COL6A5: variants seen among roughly 807,000 people sequenced by gnomAD.
The protein encoded by COL6A5 is collagen alpha-5(VI) chain.
COL6A5 carries 48 observed loss-of-function variants against 65.6 expected under a neutral mutation model. That is an observed-to-expected ratio of 0.73 (90% CI 0.58 to 0.93). The LOEUF (loss-of-function observed/expected upper bound fraction) is 0.93. Among genes scored for constraint, COL6A5 ranks in the 40% least tolerant of loss-of-function variants. The pLI is 0.00. For missense variants in COL6A5, 914 were observed against 928.3 expected, an observed-to-expected ratio of 0.98 and a Z score of 0.20; for synonymous variants, 291 against 322.8, an observed-to-expected ratio of 0.90 and a Z score of 1.05.
At position 130,385,106 on chromosome 3, in the gene COL6A5, G is replaced by A. The variant is rs1187130453; in HGVS notation, c.1603G>A (p.Gly535Arg). 6 of 1,550,874 alleles carry A rather than the reference G, an allele frequency of 3.9e-6. No individual in the cohort carries two copies. The Admixed American group carries it at 5.9e-5, about 15-fold the overall frequency. ...TTACATACTGCAAATAATAAAAAAT[G>A]GAATGAAGGATAGAATGAGCAAGGT... Residue 535 changes from glycine to arginine, a missense_variant and NMD_transcript_variant, in exon 5 of 42, where the codon GGA becomes AGA. By Grantham distance (125) the Gly-to-Arg change is moderately radical. Transcript: ENST00000312481.
In COL6A5 at chr3:130,382,314, G is replaced by T. The variant is rs73000339; in HGVS notation, c.1300+2264G>T. ...GAATGTAAATTTCTGGACACTCCTG[G>T]TTCAAGTGCCAGGCAAAGGAGTTGC... On this transcript the variant is annotated intron_variant and NMD_transcript_variant, in intron 4 of 41. Coordinates refer to the COL6A5 transcript ENST00000312481. Among the ~76,000 whole-genome samples, 646 of 152,158 alleles carry T rather than the reference G, an allele frequency of 4.2e-3. 7 individuals are homozygous for T. The highest frequency in any genetic ancestry group is 0.015 in the African/African-American group (609 of 41,550).
chr3:130,408,260 T>C (rs1436345325), intron 17 of COL6A5, among the ~76,000 whole-genome samples: 1 of 137,812 alleles, frequency 7.3e-6, no homozygotes, highest in African/African-American at 2.6e-5. Flanking sequence ...AACGAATGCA[T>C]TCCCGGTGTG....
Position 130,391,834 on chromosome 3 carries a change from C to T in COL6A5, c.2992+80C>T, listed in dbSNP as rs946523723. On this transcript the variant is annotated intron_variant and NMD_transcript_variant, in intron 7 of 41. Coordinates refer to the COL6A5 transcript ENST00000312481. ...AAGTAAATCATAAGTCTCAGGTCTC[C>T]GATTACCTGGATGTTATGGACTGAA... 34 of 1,046,986 alleles carry T rather than the reference C, an allele frequency of 3.2e-5. No individual in the cohort carries two copies. In the South Asian group the frequency reaches 4.4e-4, roughly 13 times the overall value. 64.9% of individuals were successfully genotyped at this position (1,046,986 alleles called of 1,614,324 possible).
rs146067014 is a variant in COL6A5, at chr3:130,411,296, C to A, written c.4662+772C>A. Among the ~76,000 whole-genome samples the A allele has an allele frequency of 5.2e-4, 79 of 152,294 alleles. No individual in the cohort carries two copies. In the East Asian group the frequency reaches 0.014, roughly 26 times the overall value. On this transcript the variant is annotated intron_variant and NMD_transcript_variant, in intron 20 of 41. Transcript: ENST00000312481. ...TCCTCTCTCATGCGCTCAGCATGGACATCATTAGAAGAGAATAATGGACAA... is the reference window on the plus strand; with the variant it reads ...TCCTCTCTCATGCGCTCAGCATGGAAATCATTAGAAGAGAATAATGGACAA...
chr3:130,465,051 C>T (rs978703772), intron 5 of COL6A5, among the ~76,000 whole-genome samples: 1 of 152,060 alleles, frequency 6.6e-6, no homozygotes, highest in African/African-American at 2.4e-5. Context: ...TTTTAAGACA[C>T]TGGACATTAG....
rs562587281 is a variant in COL6A5 at position 130,431,909 on chromosome 3, T to C, written c.449T>C (p.Val150Ala). 20 of 1,550,984 alleles carry C rather than the reference T, an allele frequency of 1.3e-5. No individual in the cohort carries two copies. The South Asian group carries it at 2.3e-4, about 18-fold the overall frequency. Residue 150 changes from valine (V) to alanine (A), a missense_variant, in exon 1 of 8, where the codon GTC becomes GCC. Coordinates refer to ENST00000512836, the Ensembl canonical transcript of COL6A5. ...AGTGCCCTGGATATCAGTCCAACAG[T>C]CTTTGCTTTTGATGAGAGAGTTTTC...
chr3:130,410,438 C>T lies in COL6A5; in HGVS notation c.4609-33C>T, dbSNP rs1260638944. 2.6e-6 allele frequency: 4 copies of T among 1,516,180 alleles called. No individual in the cohort carries two copies. In the Admixed American group the frequency reaches 6.0e-5, roughly 23 times the overall value. The allele number at this position is 1,516,180 out of a possible 1,614,324, so 93.9% of individuals were successfully genotyped here. A position where few individuals can be genotyped will look rare whatever the true frequency, so the allele number is the denominator to read the frequency against. ...TTTGTGATTTATTCAGAATTTTTTC[C>T]TTTTGATCTTGAGGAAATTATTATA... On this transcript the variant is annotated intron_variant and NMD_transcript_variant, in intron 19 of 41. Transcript: ENST00000312481.
At chr3:130,428,680 C>T (rs181796316), upstream of COL6A5, among the ~76,000 whole-genome samples, 9 of 152,126 alleles carry the variant, frequency 5.9e-5, no homozygotes, top group East Asian at 9.7e-4. Context: ...AGTACTCAGT[C>T]AGGAAAAAGG....
intron 15 of COL6A5, 40 bp downstream of exon 15, chr3:130,406,059 G>A (rs1265412010): frequency 1.3e-6 from 2 of 1,549,546 alleles, no homozygotes; most frequent in African/African-American, 2.7e-5. Flanking sequence ...ATTTCCAAAT[G>A]GGATTAGTTT....
chr3:130,383,332 G>T (rs1253603868), intron 4 of COL6A5, among the ~76,000 whole-genome samples: 1 of 152,050 alleles, frequency 6.6e-6, no homozygotes, highest in African/African-American at 2.4e-5. Flanking sequence ...CATGTGACTA[G>T]TGGCTCGTGT....
intron 3 of COL6A5, among the ~76,000 whole-genome samples, chr3:130,378,263 C>T (rs1485502457): frequency 6.6e-6 from 1 of 152,062 alleles, no homozygotes; most frequent in East Asian, 1.9e-4. Flanking sequence ...TTGTTTTTCC[C>T]ACTATCTTCC....
chr3:130,471,927 G>A lies in COL6A5; in HGVS notation c.2328+960G>A, dbSNP rs540921551. 156 of 1,534,246 alleles carry A rather than the reference G, an allele frequency of 1.0e-4. No homozygotes were observed. In the African/African-American group the frequency reaches 1.5e-3, roughly 15 times the overall value. On this transcript the variant is annotated intron_variant, in intron 7 of 7. Coordinates refer to ENST00000512836, the Ensembl canonical transcript of COL6A5. ...GTTGATAAACAGCAAGAAAAAGAAG[G>A]TAATCGTGAGTACCATAGAGCTGAA...
intron 1 of COL6A5, among the ~76,000 whole-genome samples, chr3:130,432,547 CAAAAAA>C (rs112983846): frequency 7.7e-6 from 1 of 129,192 alleles, no homozygotes; most frequent in Non-Finnish European, 1.6e-5. Context: ...AAGACTCTGT[CAAAAAA>C]AAAAAAAAAA....
exon 6 of COL6A5, chr3:130,468,809 G>A: frequency 6.2e-7 from 1 of 1,607,218 alleles, no homozygotes; most frequent in South Asian, 1.1e-5. Flanking sequence ...TGAAAATTAT[G>A]GCAGAAAAGA....
intron 1 of COL6A5, among the ~76,000 whole-genome samples, chr3:130,346,640 A>G (rs1228660072): frequency 6.6e-6 from 1 of 152,194 alleles, no homozygotes; most frequent in Non-Finnish European, 1.5e-5. Context: ...AGGTTCTTTC[A>G]AAGTGCTGGA....
intron 7 of COL6A5, among the ~76,000 whole-genome samples, chr3:130,477,924 C>A (rs1457958872): frequency 1.3e-5 from 2 of 151,970 alleles, no homozygotes; most frequent in Non-Finnish European, 2.9e-5. Context: ...TATAATCAAA[C>A]CAATTTGGCC....
chr3:130,397,863 C>T (rs74695611), exon 9 of COL6A5: 66,085 of 1,551,636 alleles, frequency 0.043, 1,632 homozygotes, highest in South Asian at 0.082. Flanking sequence ...CTCATCTGAA[C>T]GCACAGTTCT....
chr3:130,351,686 G>A (rs1433704082), intron 1 of COL6A5, among the ~76,000 whole-genome samples: 1 of 152,174 alleles, frequency 6.6e-6, no homozygotes, highest in African/African-American at 2.4e-5. Context: ...TGGAGAAATA[G>A]GAACACTTTT....
intron 5 of COL6A5, among the ~76,000 whole-genome samples, chr3:130,459,710 C>T (rs1182393231): frequency 6.6e-6 from 1 of 151,020 alleles, no homozygotes; most frequent in Non-Finnish European, 1.5e-5. Flanking sequence ...TATTACATGT[C>T]CAAGATTCTA....
Sources: allele counts gnomAD v4.1 joint callset (sites outside exome capture counted in the v4.1 genomes callset), GRCh38; gene constraint gnomAD v4.1.1; transcripts MANE v1.5; gene names NCBI Gene and HGNC (gene_info 2026-07-23, HGNC 2026-07-21).